Variants in GCNT2 observed in about 807,000 individuals in gnomAD.
GCNT2 encodes the protein glucosaminyl (N-acetyl) transferase 2 (I blood group).
GCNT2 carries 34 observed loss-of-function variants against 34.2 expected under a neutral mutation model. The observed-to-expected ratio is 1.00, with a 90% CI of 0.76 to 1.32. GCNT2 has a LOEUF of 1.32. Among genes scored for constraint, GCNT2 ranks in the 40% most tolerant of loss-of-function variants. The probability of loss-of-function intolerance (pLI) is 0.00; values close to 1 mark genes in which losing one functional copy is unlikely to be tolerated. For missense variants in GCNT2, 584 were observed against 489.4 expected, an observed-to-expected ratio of 1.19 and a Z score of -1.82; for synonymous variants, 212 against 188.0, an observed-to-expected ratio of 1.13 and a Z score of -1.04.
chr6:10,614,644 A>AAG (rs1554137835), intron 3 of GCNT2, among the ~76,000 whole-genome samples: 4,581 of 143,774 alleles, frequency 0.032, 285 homozygotes, highest in African/African-American at 0.098. Context: ...AAAAAAAAAA[A>AAG]AGAGAAAAAG....
At chr6:10,532,282 C>G (rs930593439) in intron 3 of GCNT2, among the ~76,000 whole-genome samples, 2 of 152,154 alleles carry the variant, frequency 1.3e-5, no homozygotes, top group Non-Finnish European at 2.9e-5. Flanking sequence ...GATTTTTACA[C>G]CCCGTGTTAG....
rs1458749020 is a variant in GCNT2 at position 10,544,336 on chromosome 6, G to A, written c.925+14500G>A. ...CAAAAAGTAAAATAGGCAACACGGT[G>A]GCTCACGCCTGTAATCCCAGCACTT... is the stretch of plus-strand genomic sequence containing the variant. On this transcript the variant is annotated intron_variant, in intron 3 of 4. Coordinates refer to ENST00000495262, the MANE Select transcript of GCNT2 (RefSeq NM_145649.5). Among the ~76,000 whole-genome samples the A allele has an allele frequency of 2.7e-5, 4 of 149,966 alleles. No individual in the cohort carries two copies. In the East Asian group the frequency reaches 8.0e-4, roughly 30 times the overall value.
chr6:10,608,919 T>C (rs1477768886), intron 3 of GCNT2, among the ~76,000 whole-genome samples: 4 of 152,130 alleles, frequency 2.6e-5, no homozygotes, highest in African/African-American at 9.7e-5. Flanking sequence ...GGCCAGACAA[T>C]GTAGGTGAAT....
Position 10,538,437 on chromosome 6 carries a change from A to AATATATAT in GCNT2, c.925+8614_925+8621dup, listed in dbSNP as rs1554127248. Among the ~76,000 whole-genome samples the AATATATAT allele has an allele frequency of 1.8e-3, 130 of 73,332 alleles. 2 individuals are homozygous for AATATATAT. The highest frequency in any genetic ancestry group is 9.7e-3 in the African/African-American group (81 of 8,390). 48.1% of individuals were successfully genotyped at this position (73,332 alleles called of 152,430 possible). On this transcript the variant is annotated intron_variant, in intron 3 of 4. Coordinates refer to ENST00000495262, the MANE Select transcript of GCNT2 (RefSeq NM_145649.5). The stretch of plus-strand genomic sequence containing the variant: ...AAAAAAAAAAAAAAAAAAAAAAAAA[A>AATATATAT]ATATATATATATATATATATGTTGA...
chr6:10,551,842 C>G (rs1324347496), intron 3 of GCNT2, among the ~76,000 whole-genome samples: 3 of 152,092 alleles, frequency 2.0e-5, no homozygotes, highest in African/African-American at 7.2e-5. Context: ...ACTGCAACCT[C>G]TGTCTCCCAG....
chr6:10,615,602 G>C (rs951517512), intron 3 of GCNT2, among the ~76,000 whole-genome samples: 3 of 152,166 alleles, frequency 2.0e-5, no homozygotes, highest in African/African-American at 7.2e-5. Flanking sequence ...CCCCAAGAGA[G>C]GGTTCTTGGA....
chr6:10,584,054 C>T (rs575240263), intron 3 of GCNT2, among the ~76,000 whole-genome samples: 5 of 152,084 alleles, frequency 3.3e-5, no homozygotes, highest in African/African-American at 9.6e-5. Context: ...CCTGGGGGAC[C>T]GGCGCTTAGT....
At chr6:10,569,218 G>C (rs1763417039) in intron 3 of GCNT2, among the ~76,000 whole-genome samples, 2 of 41,546 alleles carry the variant, frequency 4.8e-5, no homozygotes, top group Admixed American at 3.2e-4. Flanking sequence ...ATCACCCCCT[G>C]CCACCCACTC....
chr6:10,557,073 T>G (rs553300905), intron 3 of GCNT2: 14 of 1,598,986 alleles, frequency 8.8e-6, no homozygotes, highest in Non-Finnish European at 1.1e-5. Flanking sequence ...ACCCCAGGGG[T>G]GCTGCCCCCA....
At chr6:10,579,832 A>C (rs1263753807) in intron 3 of GCNT2, among the ~76,000 whole-genome samples, 492 of 146,452 alleles carry the variant, frequency 3.4e-3, no homozygotes, top group African/African-American at 0.012. Flanking sequence ...CAAACAAAAA[A>C]AAAAAAAAAA....
Position 10,542,311 on chromosome 6 carries a change from T to G in GCNT2, c.925+12475T>G, listed in dbSNP as rs956007793. 3.3e-5 allele frequency among the ~76,000 whole-genome samples: 5 copies of G among 152,146 alleles called. 1 individual carries two copies. Among genetic ancestry groups the G allele is most frequent in the African/African-American group, 1.2e-4 (5 of 41,430 alleles). On this transcript the variant is annotated intron_variant, in intron 3 of 4. Coordinates refer to ENST00000495262, the MANE Select transcript of GCNT2 (RefSeq NM_145649.5). ...GTTCTTACACTGCTACGCACTAAAC[T>G]AATTGCCTTTCCCCCTCTTAAAGGT...
At chr6:10,607,306 T>G (rs1339121254) in intron 3 of GCNT2, among the ~76,000 whole-genome samples, 13 of 152,086 alleles carry the variant, frequency 8.5e-5, no homozygotes, top group Admixed American at 8.5e-4. Flanking sequence ...TCAGGAAACT[T>G]TCAAACATTG....
At chr6:10,618,672 T>C (rs1489140415) in intron 3 of GCNT2, among the ~76,000 whole-genome samples, 1 of 152,172 alleles carries the variant, frequency 6.6e-6, no homozygotes, top group Non-Finnish European at 1.5e-5. Flanking sequence ...AGACTCTCCT[T>C]CTCCATCCCA....
intron 3 of GCNT2, 197 bp downstream of exon 3, chr6:10,530,033 C>T (rs1290216077): frequency 3.5e-6 from 2 of 571,880 alleles, no homozygotes; most frequent in African/African-American, 1.9e-5. Context: ...CCGCTCTGTT[C>T]ACAGGACAAA....
At chr6:10,577,808 T>C (rs1244480512) in intron 3 of GCNT2, among the ~76,000 whole-genome samples, 1 of 152,104 alleles carries the variant, frequency 6.6e-6, no homozygotes, top group African/African-American at 2.4e-5. Context: ...CCCAAAGTGC[T>C]GGAATTACAG....
intron 3 of GCNT2, chr6:10,586,452 A>G (rs1581448435): frequency 6.2e-7 from 1 of 1,614,220 alleles, no homozygotes; most frequent in East Asian, 2.2e-5. Flanking sequence ...CATTGCTTCA[A>G]AGACAGAGTC....
At chr6:10,543,784 T>A (rs1762142081) in intron 3 of GCNT2, among the ~76,000 whole-genome samples, 1 of 152,180 alleles carries the variant, frequency 6.6e-6, no homozygotes, top group African/African-American at 2.4e-5. Context: ...TTCTTTGAAT[T>A]AAGATTGTTG....
chr6:10,573,695 TCAC>T (rs1321915293), intron 3 of GCNT2, among the ~76,000 whole-genome samples: 1 of 152,212 alleles, frequency 6.6e-6, no homozygotes, highest in Non-Finnish European at 1.5e-5. Context: ...GCAGTGGTCT[TCAC>T]CACCATGCCG....
At chr6:10,602,111 CAA>C (rs1765115660) in intron 3 of GCNT2, among the ~76,000 whole-genome samples, 1 of 152,146 alleles carries the variant, frequency 6.6e-6, no homozygotes, top group Non-Finnish European at 1.5e-5. Flanking sequence ...CTTTATTTTA[CAA>C]AGTTATTTAA....
Sources: gnomAD v4.1 joint callset for allele counts (sites outside exome capture counted in the v4.1 genomes callset) on GRCh38, gnomAD v4.1.1 for gene constraint, MANE v1.5 for transcripts, NCBI Gene and HGNC (gene_info 2026-07-23, HGNC 2026-07-21) for gene names.